RANBP2: variants seen among roughly 807,000 people sequenced by gnomAD.
RANBP2 encodes E3 SUMO-protein ligase RanBP2.
Under a neutral mutation model 303.6 loss-of-function variants are expected in RANBP2, and 57 were observed. The observed-to-expected ratio is 0.19, with a 90% CI of 0.15 to 0.23. The LOEUF is 0.23. Among genes scored for constraint, RANBP2 ranks in the 10% least tolerant of loss-of-function variants. The probability of loss-of-function intolerance (pLI) is 1.00; values close to 1 mark genes in which losing one functional copy is unlikely to be tolerated. For missense variants in RANBP2, 3,138 were observed against 3,780.8 expected, an observed-to-expected ratio of 0.83 and a Z score of 4.46; for synonymous variants, 1,167 against 1,301.5, an observed-to-expected ratio of 0.90 and a Z score of 2.23.
At chr2:109,221,036 G>A in the RANBP2 span, among the ~76,000 whole-genome samples, 1 of 152,202 alleles carries the variant, frequency 6.6e-6, no homozygotes, top group African/African-American at 2.4e-5. Flanking sequence ...TAAACAAAAT[G>A]TGGTATGTAT....
chr2:109,112,309 T>C, the RANBP2 span, among the ~76,000 whole-genome samples: 1 of 152,200 alleles, frequency 6.6e-6, no homozygotes, highest in African/African-American at 2.4e-5. Flanking sequence ...TTCCTGACTT[T>C]TTAATGATTG....
intron 28 of RANBP2, among the ~76,000 whole-genome samples, chr2:108,783,112 G>A (rs28483272): frequency 0.062 from 9,424 of 151,752 alleles, 988 homozygotes; most frequent in African/African-American, 0.21. Context: ...GCCAAGGCAG[G>A]CAGATTGCTT....
chr2:109,126,622 G>A, the RANBP2 span, among the ~76,000 whole-genome samples: 1 of 152,174 alleles, frequency 6.6e-6, no homozygotes, highest in African/African-American at 2.4e-5. Context: ...TTTCTGTCAT[G>A]TGGGTTGGGA....
the RANBP2 span, among the ~76,000 whole-genome samples, chr2:109,173,630 G>A: frequency 1.3e-5 from 2 of 152,056 alleles, no homozygotes; most frequent in Non-Finnish European, 2.9e-5. Context: ...GCCCTTTCAT[G>A]GACCCCTGCT....
chr2:108,881,658 G>T, the RANBP2 span, among the ~76,000 whole-genome samples: 2 of 152,180 alleles, frequency 1.3e-5, no homozygotes, highest in Non-Finnish European at 2.9e-5. Context: ...CACTTAGAGG[G>T]CATTTTAAGG....
At chr2:109,163,392 T>TTC in the RANBP2 span, among the ~76,000 whole-genome samples, 1 of 117,324 alleles carries the variant, frequency 8.5e-6, no homozygotes, top group South Asian at 3.2e-4. Flanking sequence ...CAAATATTCT[T>TTC]TTTTTTTTTT....
At chr2:109,649,699 G>A in the RANBP2 span, among the ~76,000 whole-genome samples, 1 of 152,118 alleles carries the variant, frequency 6.6e-6, no homozygotes, top group African/African-American at 2.4e-5. Flanking sequence ...TGCCCAGCCA[G>A]TATTTTGAAT....
At chr2:109,390,182 G>A in the RANBP2 span, among the ~76,000 whole-genome samples, 1 of 152,216 alleles carries the variant, frequency 6.6e-6, no homozygotes, top group South Asian at 2.1e-4. Flanking sequence ...GACTTCCCTT[G>A]TGGCAGTTCT....
the RANBP2 span, among the ~76,000 whole-genome samples, chr2:108,898,771 A>C: frequency 1.3e-5 from 2 of 152,258 alleles, no homozygotes; most frequent in Non-Finnish European, 2.9e-5. Flanking sequence ...TATTAGAACT[A>C]CAAAAGTACA....
chr2:109,735,587 G>A, the RANBP2 span, among the ~76,000 whole-genome samples: 1 of 152,040 alleles, frequency 6.6e-6, no homozygotes, highest in Non-Finnish European at 1.5e-5. Context: ...AAAAACCAGT[G>A]AGTTTCAATT....
chr2:109,471,430 AACTC>A, the RANBP2 span, among the ~76,000 whole-genome samples: 6 of 152,096 alleles, frequency 3.9e-5, no homozygotes, highest in Non-Finnish European at 7.4e-5. Context: ...ATCTCATGAG[AACTC>A]ACTCACTATC....
chr2:109,204,392 C>T, the RANBP2 span, among the ~76,000 whole-genome samples: 1 of 152,228 alleles, frequency 6.6e-6, no homozygotes, highest in Non-Finnish European at 1.5e-5. Context: ...TTATCAATAC[C>T]AGTTCACATT....
the RANBP2 span, among the ~76,000 whole-genome samples, chr2:109,538,614 G>C: frequency 1.3e-5 from 2 of 152,202 alleles, no homozygotes; most frequent in East Asian, 3.9e-4. Flanking sequence ...CTGCCTCCCA[G>C]GTTCAAGCAA....
At chr2:109,298,515 A>T in the RANBP2 span, among the ~76,000 whole-genome samples, 17 of 152,220 alleles carry the variant, frequency 1.1e-4, no homozygotes, top group South Asian at 2.7e-3. Flanking sequence ...ACTTTGCTCC[A>T]GGTGGTGAGC....
At chr2:109,514,399 A>T in the RANBP2 span, among the ~76,000 whole-genome samples, 2 of 152,084 alleles carry the variant, frequency 1.3e-5, no homozygotes, top group African/African-American at 4.8e-5. Flanking sequence ...CCATCCGCCC[A>T]CCGCCCCCAG....
the RANBP2 span, chr2:109,437,013 C>T: frequency 6.2e-7 from 1 of 1,613,898 alleles, no homozygotes; most frequent in Non-Finnish European, 8.5e-7. Context: ...TGGCCACTGC[C>T]ACCAGGCCCG....
the RANBP2 span, among the ~76,000 whole-genome samples, chr2:108,988,730 T>A: frequency 6.6e-6 from 1 of 152,196 alleles, no homozygotes; most frequent in East Asian, 1.9e-4. Context: ...TAACCAAATG[T>A]GCAACCAACA....
At chr2:108,836,063 A>G in the RANBP2 span, among the ~76,000 whole-genome samples, 35 of 152,184 alleles carry the variant, frequency 2.3e-4, no homozygotes, top group Non-Finnish European at 3.8e-4. Flanking sequence ...TTCCCAGTAG[A>G]TCCTCACCTC....
the RANBP2 span, among the ~76,000 whole-genome samples, chr2:108,979,317 C>A: frequency 1.3e-5 from 2 of 152,136 alleles, no homozygotes; most frequent in South Asian, 4.1e-4. Flanking sequence ...ATTTGGCGAA[C>A]CTCACTCCTC....
Sources: allele counts gnomAD v4.1 joint callset (sites outside exome capture counted in the v4.1 genomes callset), GRCh38; gene constraint gnomAD v4.1.1; transcripts MANE v1.5; gene names NCBI Gene and HGNC (gene_info 2026-07-23, HGNC 2026-07-21).